The following CPS1 variants were observed in gnomAD, a reference collection of about 807,000 sequenced individuals.
CPS1 encodes the protein carbamoyl-phosphate synthase [ammonia], mitochondrial.
Under a neutral mutation model 174.6 loss-of-function variants are expected in CPS1, and 109 were observed. That is an observed-to-expected ratio of 0.62 (90% confidence interval 0.53 to 0.73). CPS1 has a LOEUF of 0.73. Among genes scored for constraint, CPS1 ranks in the 30% least tolerant of loss-of-function variants. The pLI is 0.00. For missense variants in CPS1, 1,689 were observed against 1,821.9 expected (o/e 0.93, Z 1.33); for synonymous variants, 637 against 632.0 (o/e 1.01, Z -0.12).
chr2:210,592,774 A>T, intron 10 of CPS1, 105 bp from the exon 11 acceptor site: 1 of 1,119,712 alleles, frequency 8.9e-7, no homozygotes, highest in South Asian at 1.2e-5. Flanking sequence ...TTAAGCATCT[A>T]ACTCAGTTTT....
At chr2:210,523,448 A>G (rs1262927546) in intron 1 of CPS1, among the ~76,000 whole-genome samples, 1 of 151,940 alleles carries the variant, frequency 6.6e-6, no homozygotes, top group Non-Finnish European at 1.5e-5. Context: ...TACATACATA[A>G]TGTACAATGT....
chr2:210,510,459 T>C (rs373664473), intron 1 of CPS1, among the ~76,000 whole-genome samples: 2 of 152,150 alleles, frequency 1.3e-5, no homozygotes, highest in East Asian at 1.9e-4. Flanking sequence ...ATTCAGGACA[T>C]AGGCATGGGC....
Position 210,591,877 on chromosome 2 carries a change from A to T in CPS1, c.994A>T (p.Ile332Phe), listed in dbSNP as rs1394302181. The part of the protein sequence containing the change: ...VLNITNKQAF[I>F]TAQNHGYALD... ...GAATATCACAAACAAACAGGCTTTC[A>T]TTACTGCTCAGAATCATGGCTATGC... is the stretch of plus-strand genomic sequence containing the variant. Residue 332 changes from isoleucine (I) to phenylalanine (F), a missense_variant, in exon 10 of 38, where the codon ATT (isoleucine) becomes TTT (phenylalanine). Ile to Phe is a conservative substitution (Grantham distance 21, BLOSUM62 0). Coordinates refer to ENST00000233072, the MANE Select transcript of CPS1 (RefSeq NM_001875.5). The T allele has an allele frequency of 6.2e-6, 10 of 1,612,470 alleles. No individual in the cohort carries two copies. Among genetic ancestry groups the T allele is most frequent in the Non-Finnish European group, 8.5e-6 (10 of 1,179,112 alleles).
chr2:210,644,061 A>T (rs993276640), intron 25 of CPS1, among the ~76,000 whole-genome samples: 2 of 152,140 alleles, frequency 1.3e-5, no homozygotes, highest in Non-Finnish European at 2.9e-5. Flanking sequence ...GGCATTTTGC[A>T]TATAATTAAT....
At chr2:210,490,590 G>A (rs1193477383) in intron 1 of CPS1, among the ~76,000 whole-genome samples, 1 of 152,192 alleles carries the variant, frequency 6.6e-6, no homozygotes, top group African/African-American at 2.4e-5. Context: ...GAAGTTTGTG[G>A]GGGGACAGTG....
At position 210,600,715 on chromosome 2, in the gene CPS1, A is replaced by G. The variant is rs754232832; in HGVS notation, c.1707+3A>G. 6.2e-7 allele frequency: 1 copy of G among 1,611,758 alleles called. No homozygotes were observed. Among genetic ancestry groups the G allele is most frequent in the African/African-American group, 1.3e-5 (1 of 74,886 alleles). On this transcript the variant is annotated splice_donor_region_variant and intron_variant, in intron 15 of 37. Coordinates refer to ENST00000233072, the MANE Select transcript of CPS1 (RefSeq NM_001875.5). The stretch of plus-strand genomic sequence containing the variant: ...CTCCAAGTTTTGCAGTGGAATCGGT[A>G]AGGATTCTTTGCTTTGGAAAAACAA...
chr2:210,572,591 T>A (rs1299030679), intron 1 of CPS1, among the ~76,000 whole-genome samples: 1 of 152,032 alleles, frequency 6.6e-6, no homozygotes, highest in East Asian at 1.9e-4. Flanking sequence ...GGCTCAAAGA[T>A]TATTATGGCA....
chr2:210,630,379 T>C (rs900957542), intron 21 of CPS1, among the ~76,000 whole-genome samples: 1 of 152,186 alleles, frequency 6.6e-6, no homozygotes, highest in African/African-American at 2.4e-5. Flanking sequence ...TCTCATAAGG[T>C]TTCCTTTTTA....
rs10183104 is a variant in CPS1 at position 210,658,846 on chromosome 2, T to C, written c.3756+158T>C. Among the ~76,000 whole-genome samples, 520 of 152,352 alleles carry C rather than the reference T, an allele frequency of 3.4e-3. 5 individuals carry two copies. Among genetic ancestry groups the C allele is most frequent in the African/African-American group, 0.012 (493 of 41,580 alleles). ...GTGTGGAATGATGCATAGCATATAA[T>C]GTCTACCTTATTTGAAGGCCCAGGC... On this transcript the variant is annotated intron_variant, in intron 31 of 37. Transcript: ENST00000233072.
rs137915289 is a variant in CPS1, at chr2:210,590,520, C to T, written c.841-280C>T. 5.8e-3 allele frequency among the ~76,000 whole-genome samples: 876 copies of T among 151,984 alleles called. 6 individuals carry two copies. The highest frequency in any genetic ancestry group is 9.2e-3 in the Non-Finnish European group (622 of 67,960). ...TGTATTTTGCTTTACAGTTTTAAAC[C>T]GACAACTCATGGTTCCTTATCATGA... On this transcript the variant is annotated intron_variant, in intron 8 of 37. Transcript: ENST00000233072.
intron 1 of CPS1, among the ~76,000 whole-genome samples, chr2:210,540,176 CTTG>C (rs1345167132): frequency 6.6e-6 from 1 of 152,160 alleles, no homozygotes; most frequent in Non-Finnish European, 1.5e-5. Context: ...ATTAAATCTA[CTTG>C]TTAGCACTGT....
At chr2:210,620,628 C>T (rs1429734715) in intron 21 of CPS1, among the ~76,000 whole-genome samples, 4 of 151,920 alleles carry the variant, frequency 2.6e-5, no homozygotes, top group Non-Finnish European at 4.4e-5. Flanking sequence ...GGAAAGCAGC[C>T]GTGTCCTATG....
chr2:210,591,789 C>T lies in CPS1; in HGVS notation c.948-42C>T, dbSNP rs139772441. ...AGGAATACATTTATATTATTCTCTT[C>T]ACTTTTCCTTTTCCCTATTCTTTTT... On this transcript the variant is annotated intron_variant, in intron 9 of 37. Transcript: ENST00000233072. 193 of 1,600,462 alleles carry T rather than the reference C, an allele frequency of 1.2e-4. No individual in the cohort carries two copies. The East Asian group carries it at 3.1e-3, about 25-fold the overall frequency.
upstream of CPS1, among the ~76,000 whole-genome samples, chr2:210,554,711 A>C (rs918886307): frequency 2.6e-5 from 4 of 151,888 alleles, no homozygotes; most frequent in African/African-American, 9.7e-5. Flanking sequence ...TAACCTGCAC[A>C]ATGTGCACAT....
At chr2:210,656,927 G>A (rs943644374) in intron 30 of CPS1, among the ~76,000 whole-genome samples, 1 of 152,130 alleles carries the variant, frequency 6.6e-6, no homozygotes, top group East Asian at 1.9e-4. Flanking sequence ...CCATCCCCCA[G>A]TTTCTGATTT....
upstream of CPS1, among the ~76,000 whole-genome samples, chr2:210,553,727 A>G (rs1386257230): frequency 6.6e-6 from 1 of 152,028 alleles, no homozygotes; most frequent in East Asian, 1.9e-4. Flanking sequence ...AATCTGTCCT[A>G]AAAGTGTAAC....
intron 34 of CPS1, chr2:210,673,236 T>C (rs963230406): frequency 2.0e-5 from 3 of 152,244 alleles, no homozygotes; most frequent in Admixed American, 2.0e-4. Context: ...AGTGTGTGAT[T>C]TTAAATACGC....
At chr2:210,571,049 T>G (rs181420842) in intron 1 of CPS1, among the ~76,000 whole-genome samples, 1 of 152,072 alleles carries the variant, frequency 6.6e-6, no homozygotes, top group East Asian at 1.9e-4. Flanking sequence ...AGAAGAAACA[T>G]GCGAAGCTGA....
At chr2:210,647,321 A>G (rs1233090574) in intron 25 of CPS1, among the ~76,000 whole-genome samples, 2 of 152,186 alleles carry the variant, frequency 1.3e-5, no homozygotes, top group African/African-American at 4.8e-5. Context: ...TTGAGCTGAG[A>G]GGGGTGATAA....
Sources: allele counts gnomAD v4.1 joint callset (sites outside exome capture counted in the v4.1 genomes callset), GRCh38; gene constraint gnomAD v4.1.1; transcripts MANE v1.5; gene names NCBI Gene and HGNC (gene_info 2026-07-23, HGNC 2026-07-21).